The following KLF12 variants were observed in gnomAD, a reference collection of about 807,000 sequenced individuals.
KLF12 encodes Krueppel-like factor 12.
KLF12 carries 9 observed loss-of-function variants against 37.8 expected under a neutral mutation model. That is an observed-to-expected ratio of 0.24 (90% CI 0.14 to 0.42). KLF12 has a LOEUF of 0.42. Among genes scored for constraint, KLF12 ranks in the 10% least tolerant of loss-of-function variants. The pLI, the probability that KLF12 is intolerant of heterozygous loss-of-function variation, is 1.00. For missense variants in KLF12, 411 were observed against 516.0 expected (o/e 0.80, Z 1.97); for synonymous variants, 208 against 202.1 (o/e 1.03, Z -0.25).
At chr13:74,241,967 C>T in the KLF12 span, among the ~76,000 whole-genome samples, 1 of 152,156 alleles carries the variant, frequency 6.6e-6, no homozygotes, top group Admixed American at 6.5e-5. Flanking sequence ...TTGGCTCCTC[C>T]CCCCAGGTAC....
chr13:74,055,306 G>T (rs972626180), intron 1 of KLF12, among the ~76,000 whole-genome samples: 10 of 152,126 alleles, frequency 6.6e-5, no homozygotes, highest in African/African-American at 2.4e-4. Flanking sequence ...GTCTTTAAAA[G>T]GCAAAACCCT....
At chr13:73,827,230 A>G (rs943504739) in intron 4 of KLF12, among the ~76,000 whole-genome samples, 14 of 152,238 alleles carry the variant, frequency 9.2e-5, no homozygotes, top group Non-Finnish European at 1.8e-4. Flanking sequence ...TTAATTTGTT[A>G]AAAATATTCA....
At chr13:74,245,334 T>TATCC in the KLF12 span, among the ~76,000 whole-genome samples, 8 of 146,060 alleles carry the variant, frequency 5.5e-5, no homozygotes, top group African/African-American at 1.8e-4. Flanking sequence ...TCTATCTATC[T>TATCC]ATCTATCATC....
chr13:74,238,640 G>A, the KLF12 span, among the ~76,000 whole-genome samples: 1 of 146,392 alleles, frequency 6.8e-6, no homozygotes, highest in Non-Finnish European at 1.5e-5. Flanking sequence ...TCTATTCAGA[G>A]ATTCAACTTC....
intron 4 of KLF12, among the ~76,000 whole-genome samples, chr13:73,818,829 C>T (rs912113956): frequency 4.6e-5 from 7 of 152,206 alleles, no homozygotes; most frequent in Non-Finnish European, 2.9e-5. Context: ...GGCTGATGGA[C>T]CTCTTTTCTC....
At chr13:74,095,467 C>A (rs1593895714) in intron 1 of KLF12, among the ~76,000 whole-genome samples, 4 of 151,986 alleles carry the variant, frequency 2.6e-5, no homozygotes, top group Non-Finnish European at 4.4e-5. Flanking sequence ...TAGCTCACTG[C>A]AGCCTCAAAC....
At chr13:73,800,608 C>T (rs1341867764) in intron 5 of KLF12, 2 of 151,876 alleles carry the variant, frequency 1.3e-5, no homozygotes, top group African/African-American at 4.8e-5. Flanking sequence ...AATTAAGATG[C>T]AGAATTTTAT....
At chr13:74,071,920 A>G (rs1874277257) in intron 1 of KLF12, among the ~76,000 whole-genome samples, 1 of 152,116 alleles carries the variant, frequency 6.6e-6, no homozygotes, top group Non-Finnish European at 1.5e-5. Context: ...ATATTAACAG[A>G]AGAGTGTTAG....
At chr13:73,836,056 G>T (rs1286249722) in intron 4 of KLF12, among the ~76,000 whole-genome samples, 1 of 151,950 alleles carries the variant, frequency 6.6e-6, no homozygotes. Flanking sequence ...AAAAAAAGGT[G>T]AAGCTGCTTG....
chr13:73,859,444 G>A (rs1885798876), intron 3 of KLF12, among the ~76,000 whole-genome samples: 1 of 152,156 alleles, frequency 6.6e-6, no homozygotes, highest in African/African-American at 2.4e-5. Context: ...CCCTGGAGAG[G>A]AAGAGAAAGA....
intron 2 of KLF12, among the ~76,000 whole-genome samples, chr13:73,947,456 G>A (rs899551590): frequency 6.6e-6 from 1 of 152,004 alleles, no homozygotes; most frequent in African/African-American, 2.4e-5. Flanking sequence ...TTTGAGACCA[G>A]CCTGGCCAAC....
the KLF12 span, among the ~76,000 whole-genome samples, chr13:74,150,789 G>A: frequency 6.6e-6 from 1 of 152,080 alleles, no homozygotes; most frequent in Admixed American, 6.6e-5. Flanking sequence ...GGACACAAGG[G>A]GGGCAGAGGA....
chr13:74,276,397 T>C, the KLF12 span, among the ~76,000 whole-genome samples: 2 of 152,126 alleles, frequency 1.3e-5, no homozygotes, highest in African/African-American at 2.4e-5. Context: ...TGTAATACGA[T>C]CAAATTTTAA....
At chr13:74,094,448 T>C (rs1330045437) in intron 1 of KLF12, among the ~76,000 whole-genome samples, 6 of 152,090 alleles carry the variant, frequency 3.9e-5, no homozygotes, top group Non-Finnish European at 8.8e-5. Context: ...TAACCTGCCA[T>C]GGATTACTAC....
chr13:74,212,697 T>G, the KLF12 span, among the ~76,000 whole-genome samples: 3 of 152,218 alleles, frequency 2.0e-5, no homozygotes, highest in African/African-American at 7.2e-5. Context: ...TCATAATTGA[T>G]TTCAGGAAAA....
the KLF12 span, among the ~76,000 whole-genome samples, chr13:74,236,111 C>T: frequency 6.8e-6 from 1 of 147,806 alleles, no homozygotes; most frequent in Non-Finnish European, 1.5e-5. Flanking sequence ...CAACCCACAA[C>T]AGTCCCCAGA....
the KLF12 span, among the ~76,000 whole-genome samples, chr13:74,195,873 C>T: frequency 2.0e-5 from 3 of 152,078 alleles, no homozygotes; most frequent in African/African-American, 4.8e-5. Context: ...TGTGAGCTAC[C>T]GCACCTGGCA....
chr13:74,095,822 T>TA (rs537835758), intron 1 of KLF12, among the ~76,000 whole-genome samples: 109 of 152,338 alleles, frequency 7.2e-4, no homozygotes, highest in African/African-American at 2.6e-3. Context: ...ACTGAGGAGC[T>TA]ACCTCTCCCT....
chr13:73,941,806 T>C (rs1890198372), intron 3 of KLF12, among the ~76,000 whole-genome samples: 1 of 152,142 alleles, frequency 6.6e-6, no homozygotes, highest in African/African-American at 2.4e-5. Flanking sequence ...AGAATGAAAT[T>C]GTATCTGTCA....
Sources: allele counts gnomAD v4.1 joint callset (sites outside exome capture counted in the v4.1 genomes callset), GRCh38; gene constraint gnomAD v4.1.1; transcripts MANE v1.5; gene names NCBI Gene and HGNC (gene_info 2026-07-23, HGNC 2026-07-21).